The following OR51E2 variants were observed in gnomAD, a reference collection of about 807,000 sequenced individuals.
OR51E2 encodes the protein olfactory receptor 51E2.
OR51E2 carries 14 observed loss-of-function variants against 13.7 expected under a neutral mutation model. The ratio of observed to expected loss-of-function variants is 1.02; its 90% CI spans 0.68 to 1.60. OR51E2 has a LOEUF of 1.60. OR51E2 is among the 40% of genes most tolerant of loss of function. The pLI is 0.00. For synonymous variants in OR51E2, 180 were observed against 157.6 expected (o/e 1.14, Z -1.07); for missense variants, 483 against 413.8 (o/e 1.17, Z -1.45).
chr11:4,681,622 A>G lies in OR51E2; in HGVS notation c.*127T>C. The G allele has an allele frequency of 1.0e-6, 1 of 972,840 alleles. No individual in the cohort carries two copies. The highest frequency in any genetic ancestry group is 1.6e-6 in the Non-Finnish European group (1 of 640,454). 60.3% of individuals were successfully genotyped at this position (972,840 alleles called of 1,614,324 possible). The stretch of plus-strand genomic sequence containing the variant: ...ATAGTCCTTTAGGTAGATGTACCAT[A>G]CTTTAGTTTACTATTCCAGCCAGAG... On this transcript the variant is annotated 3_prime_UTR_variant, in exon 2 of 2. Transcript: ENST00000396950.
chr11:4,688,130 T>C (rs1847535905), intron 1 of OR51E2, among the ~76,000 whole-genome samples: 1 of 152,202 alleles, frequency 6.6e-6, no homozygotes, highest in South Asian at 2.1e-4. Flanking sequence ...CATCATGTTG[T>C]AGTAATGAAA....
At chr11:4,685,944 C>T (rs1422468421) in intron 1 of OR51E2, 1 of 152,192 alleles carries the variant, frequency 6.6e-6, no homozygotes, top group Non-Finnish European at 1.5e-5. Flanking sequence ...AAGTATGCCT[C>T]ACACATGAGT....
chr11:4,687,244 G>A (rs1469229859), intron 1 of OR51E2, among the ~76,000 whole-genome samples: 3 of 152,100 alleles, frequency 2.0e-5, no homozygotes, highest in Admixed American at 6.5e-5. Flanking sequence ...GCAGGGGTAC[G>A]TATTAGGGAA....
rs1039385862 is a variant in OR51E2 at position 4,680,745 on chromosome 11, G to A, written c.*1004C>T. ...GCCAGAACATTGTGAGCACACATGA[G>A]ATGTTCATTGGCATTATTATTAAGG... On this transcript the variant is annotated 3_prime_UTR_variant, in exon 2 of 2. Coordinates refer to ENST00000396950, the MANE Select transcript of OR51E2 (RefSeq NM_030774.4). 6.6e-6 allele frequency: 1 copy of A among 152,382 alleles called. No individual in the cohort carries two copies. The highest frequency in any genetic ancestry group is 1.5e-5 in the Non-Finnish European group (1 of 68,044). The allele number at this position is 152,382 out of a possible 1,614,324, so 9.4% of individuals were successfully genotyped here. A position where few individuals can be genotyped will look rare whatever the true frequency, so the allele number is the denominator to read the frequency against.
intron 1 of OR51E2, chr11:4,691,010 A>T (rs1847571334): frequency 4.4e-6 from 2 of 455,718 alleles, no homozygotes; most frequent in Non-Finnish European, 8.8e-6. Context: ...CTTCTGGGGA[A>T]GCAACGCTAA....
At position 4,681,959 on chromosome 11, in the gene OR51E2, A is replaced by G; in HGVS notation, c.753T>C (p.Tyr251=). The G allele has an allele frequency of 6.2e-7, 1 of 1,614,146 alleles. No individual in the cohort carries two copies. The highest frequency in any genetic ancestry group is 8.5e-7 in the Non-Finnish European group (1 of 1,179,964). Residue 251 remains tyrosine (Y), a synonymous_variant, in exon 2 of 2, where the codon TAT becomes TAC. Coordinates refer to ENST00000396950, the MANE Select transcript of OR51E2 (RefSeq NM_030774.4). ...VSHIGVVLAF[Y]VPLIGLSVVH... The stretch of plus-strand genomic sequence containing the variant: ...CCACTGAGAGGCCAATAAGTGGCAC[A>G]TAGAAGGCGAGTACCACACCAATGT...
intron 1 of OR51E2, among the ~76,000 whole-genome samples, chr11:4,687,706 T>C (rs1847531658): frequency 6.6e-6 from 1 of 151,598 alleles, no homozygotes. Context: ...CCCCGAGAAG[T>C]GAGCTCAGAG....
At chr11:4,693,685 G>A (rs1370088708) in intron 1 of OR51E2, among the ~76,000 whole-genome samples, 1 of 152,112 alleles carries the variant, frequency 6.6e-6, no homozygotes, top group Non-Finnish European at 1.5e-5. Context: ...TGGCGCCATT[G>A]CACTCCAACC....
chr11:4,696,623 T>TC (rs2133254927), intron 1 of OR51E2, among the ~76,000 whole-genome samples: 1 of 152,238 alleles, frequency 6.6e-6, no homozygotes. Context: ...GCACTAAATT[T>TC]CCCCCAAGCT....
rs970292233 is a variant in OR51E2, at chr11:4,697,013, G to A, written c.-51+640C>T. Among the ~76,000 whole-genome samples, 17 of 152,256 alleles carry A rather than the reference G, an allele frequency of 1.1e-4. 1 individual carries two copies. The highest frequency in any genetic ancestry group is 8.5e-4 in the Admixed American group (13 of 15,292). ...GGACACGTGTTCTGTGAACATTATT[G>A]TCCTCAGTGCTTTATAAGCATTATT... On this transcript the variant is annotated intron_variant, in intron 1 of 1. Coordinates refer to ENST00000396950, the MANE Select transcript of OR51E2 (RefSeq NM_030774.4).
chr11:4,695,794 T>G (rs1847649017), intron 1 of OR51E2, among the ~76,000 whole-genome samples: 1 of 152,038 alleles, frequency 6.6e-6, no homozygotes, highest in South Asian at 2.1e-4. Context: ...TTTTCCTGTT[T>G]GTTAAACAAT....
At chr11:4,691,417 A>T (rs1439154970) in intron 1 of OR51E2, 6 of 457,742 alleles carry the variant, frequency 1.3e-5, no homozygotes, top group African/African-American at 1.0e-4. Context: ...CAGGCATTAA[A>T]GCTGATTTCC....
At chr11:4,690,760 A>C (rs756621105) in intron 1 of OR51E2, 5 of 397,552 alleles carry the variant, frequency 1.3e-5, no homozygotes, top group South Asian at 9.6e-5. Context: ...CTACAATTTT[A>C]TGTTTCTTTG....
chr11:4,693,259 T>C (rs554446748), intron 1 of OR51E2, among the ~76,000 whole-genome samples: 1 of 152,156 alleles, frequency 6.6e-6, no homozygotes, highest in Admixed American at 6.5e-5. Flanking sequence ...TAAGATAAAA[T>C]GATTTTGAAA....
chr11:4,692,436 G>A (rs1278377955), intron 1 of OR51E2, among the ~76,000 whole-genome samples: 1 of 152,232 alleles, frequency 6.6e-6, no homozygotes, highest in Non-Finnish European at 1.5e-5. Flanking sequence ...TCTTCAGTCT[G>A]CTGGAAGACT....
chr11:4,684,176 C>T (rs1389546383), intron 1 of OR51E2, among the ~76,000 whole-genome samples: 1 of 152,164 alleles, frequency 6.6e-6, no homozygotes, highest in African/African-American at 2.4e-5. Flanking sequence ...GGTTACAAAA[C>T]CCATACTTCT....
At chr11:4,683,057 A>G (rs1847476092) in intron 1 of OR51E2, among the ~76,000 whole-genome samples, 1 of 151,514 alleles carries the variant, frequency 6.6e-6, no homozygotes, top group Non-Finnish European at 1.5e-5. Flanking sequence ...TTTTTTTCTG[A>G]TAGGTGTTAA....
intron 1 of OR51E2, chr11:4,691,730 A>G (rs114051694): frequency 4.0e-5 from 14 of 346,448 alleles, no homozygotes; most frequent in African/African-American, 2.8e-4. Context: ...GAACGAGATG[A>G]GAGCTTAAAC....
chr11:4,691,496 G>A (rs1167963481), intron 1 of OR51E2: 6 of 456,022 alleles, frequency 1.3e-5, no homozygotes, highest in Admixed American at 2.4e-5. Flanking sequence ...GGTCAGTGGC[G>A]GACAGCATGG....
Sources: allele counts gnomAD v4.1 joint callset (sites outside exome capture counted in the v4.1 genomes callset), GRCh38; gene constraint gnomAD v4.1.1; transcripts MANE v1.5; gene names NCBI Gene and HGNC (gene_info 2026-07-23, HGNC 2026-07-21).